The following CACNA2D4 variants were observed in gnomAD, a reference collection of about 807,000 sequenced individuals.
CACNA2D4 encodes calcium voltage-gated channel auxiliary subunit alpha2delta 4, also known as voltage-dependent calcium channel subunit alpha-2/delta-4.
CACNA2D4 carries 157 observed loss-of-function variants against 163.8 expected under a neutral mutation model. The observed-to-expected ratio is 0.96, with a 90% CI of 0.84 to 1.09. The LOEUF is 1.09. Ranked by LOEUF, CACNA2D4 falls within the 50% of genes least tolerant of loss-of-function variation. CACNA2D4 has a pLI of 0.00. For synonymous variants in CACNA2D4, 598 were observed against 586.9 expected, an observed-to-expected ratio of 1.02 and a Z score of -0.27; for missense variants, 1,410 against 1,479.9, an observed-to-expected ratio of 0.95 and a Z score of 0.78.
At chr12:1,793,824 T>C in intron 37 of CACNA2D4, 65 bp from the exon 38 acceptor site, 2 of 1,368,712 alleles carry the variant, frequency 1.5e-6, no homozygotes, top group Non-Finnish European at 2.1e-6. Context: ...AGGGAGGGGC[T>C]TCCACCACTA....
chr12:1,847,816 G>A (rs936462077), intron 23 of CACNA2D4, among the ~76,000 whole-genome samples: 3 of 152,066 alleles, frequency 2.0e-5, no homozygotes, highest in Admixed American at 6.5e-5. Flanking sequence ...GCAAATCCCA[G>A]ATATTTCATG....
At chr12:1,909,058 C>G (rs1026223947) in intron 4 of CACNA2D4, among the ~76,000 whole-genome samples, 5 of 152,208 alleles carry the variant, frequency 3.3e-5, no homozygotes, top group African/African-American at 1.2e-4. Flanking sequence ...CAGGCTCCTA[C>G]GCTGACACCC....
At chr12:1,801,754 T>C in intron 29 of CACNA2D4, 110 bp from the exon 30 acceptor site, 1 of 702,980 alleles carries the variant, frequency 1.4e-6, no homozygotes, top group Non-Finnish European at 2.3e-6. Flanking sequence ...TTGGTGCCAG[T>C]TGGGCTTTCC....
chr12:1,905,909 C>T (rs1042293290), intron 6 of CACNA2D4, among the ~76,000 whole-genome samples: 3 of 152,072 alleles, frequency 2.0e-5, no homozygotes, highest in African/African-American at 4.8e-5. Flanking sequence ...CTGATGGAGG[C>T]ACACTTCCTG....
At chr12:1,904,354 A>G (rs1231942713) in intron 6 of CACNA2D4, among the ~76,000 whole-genome samples, 1 of 151,868 alleles carries the variant, frequency 6.6e-6, no homozygotes, top group Non-Finnish European at 1.5e-5. Context: ...TACATTTTAA[A>G]ATAACTAAAA....
chr12:1,885,115 G>A (rs1340118997), intron 9 of CACNA2D4, 39 bp from the exon 10 acceptor site: 5 of 1,525,160 alleles, frequency 3.3e-6, no homozygotes, highest in African/African-American at 1.4e-5. Flanking sequence ...TCAGGGGGTT[G>A]AGTGGGCCAG....
intron 6 of CACNA2D4, among the ~76,000 whole-genome samples, chr12:1,888,617 C>T (rs4765647): frequency 0.04 from 6,048 of 151,944 alleles, 387 homozygotes; most frequent in African/African-American, 0.13. Context: ...ATGAAGCTTT[C>T]GGAGATGAAA....
In CACNA2D4 at chr12:1,799,880, C is replaced by A; in HGVS notation, c.2974+120G>T. On this transcript the variant is annotated intron_variant, in intron 33 of 37. Transcript: ENST00000382722. The surrounding 1 kb of genome is among the most constrained non-coding windows in gnomAD (Gnocchi z 4.7). ...AAGGCCACGCAGGGTGAGATGTGAA[C>A]AACGATGCTTCAGGGTCACCTATCC... 7.7e-7 allele frequency: 1 copy of A among 1,293,286 alleles called. No homozygotes were observed. Among genetic ancestry groups the A allele is most frequent in the Non-Finnish European group, 1.1e-6 (1 of 919,868 alleles). The allele number at this position is 1,293,286 out of a possible 1,614,324, so 80.1% of individuals were successfully genotyped here.
intron 6 of CACNA2D4, among the ~76,000 whole-genome samples, chr12:1,892,897 G>A (rs1866320772): frequency 6.6e-6 from 1 of 152,088 alleles, no homozygotes; most frequent in African/African-American, 2.4e-5. Flanking sequence ...ATGAGATGAA[G>A]GAGGTCATTA....
chr12:1,912,551 G>A (rs1227880001), intron 3 of CACNA2D4, among the ~76,000 whole-genome samples: 1 of 149,190 alleles, frequency 6.7e-6, no homozygotes, highest in East Asian at 2.0e-4. Context: ...ATGAGGGTGA[G>A]GGAGGAATGA....
At chr12:1,853,171 A>G (rs1865322807) in intron 23 of CACNA2D4, among the ~76,000 whole-genome samples, 1 of 152,156 alleles carries the variant, frequency 6.6e-6, no homozygotes, top group African/African-American at 2.4e-5. Flanking sequence ...AGCCTTGCGT[A>G]GACAGTATAC....
chr12:1,845,387 G>T (rs574720696), intron 24 of CACNA2D4, among the ~76,000 whole-genome samples: 7 of 151,872 alleles, frequency 4.6e-5, no homozygotes, highest in East Asian at 1.9e-4. Flanking sequence ...AGGGATGGGT[G>T]GGGGGGAGGA....
chr12:1,811,692 G>T lies in CACNA2D4; in HGVS notation c.2583C>A (p.Leu861=). The T allele has an allele frequency of 6.4e-7, 1 of 1,561,538 alleles. No individual in the cohort carries two copies. Among genetic ancestry groups the T allele is most frequent in the Non-Finnish European group, 8.7e-7 (1 of 1,152,388 alleles). The change falls in exon 27 of 38, where the codon CTC becomes CTA. Residue 861 remains leucine (L), a synonymous_variant. Coordinates refer to ENST00000382722, the MANE Select transcript of CACNA2D4 (RefSeq NM_172364.5). ...GCGTTGCCGCCCAGAATTTGCGCTGGAGGAATTCCAGCTTCATTTGGACGC... is the reference window on the plus strand; with the variant it reads ...GCGTTGCCGCCCAGAATTTGCGCTGTAGGAATTCCAGCTTCATTTGGACGC... ...AAGVQMKLEF[L]QRKFWAATRQ...
chr12:1,844,412 T>C lies in CACNA2D4; in HGVS notation c.2460A>G (p.Ala820=), dbSNP rs1397477256. The change falls in exon 25 of 38, where the codon GCA becomes GCG. Residue 820 remains alanine, a synonymous_variant. Transcript: ENST00000382722. This position sits in a 1 kb window ranked among gnomAD's most constrained non-coding sequence, Gnocchi z 4.2. ...CGGGCTGTGTGTTACCTGGTCCTTC[T>C]GCCCAGCGGAGGTTGAAGACGAAGC... ...AGSFVFNLRW[A]EGPESAGEPM... 1 of 1,613,424 alleles carries C rather than the reference T, an allele frequency of 6.2e-7. No homozygotes were observed. Among genetic ancestry groups the C allele is most frequent in the East Asian group, 2.2e-5 (1 of 44,882 alleles).
chr12:1,905,541 G>C (rs1019183657), intron 6 of CACNA2D4, among the ~76,000 whole-genome samples: 1 of 151,982 alleles, frequency 6.6e-6, no homozygotes, highest in African/African-American at 2.4e-5. Context: ...AAAATCAGTT[G>C]CATTTCTATA....
rs1865835294 is a variant in CACNA2D4 at position 1,874,002 on chromosome 12, T to A, written c.1878+602A>T. On this transcript the variant is annotated intron_variant, in intron 18 of 37. Coordinates refer to ENST00000382722, the MANE Select transcript of CACNA2D4 (RefSeq NM_172364.5). This position sits in a 1 kb window ranked among gnomAD's most constrained non-coding sequence, Gnocchi z 4.4. ...CAGGGGAGGAGGAGGTGGGGGTGGC[T>A]GTGAGGGAGGAGGTGACATTTGTAA... 6.6e-6 allele frequency among the ~76,000 whole-genome samples: 1 copy of A among 152,166 alleles called. No homozygotes were observed. Among genetic ancestry groups the A allele is most frequent in the South Asian group, 2.1e-4 (1 of 4,828 alleles).
At chr12:1,795,898 T>A in intron 35 of CACNA2D4, 118 bp from the exon 36 acceptor site, 2 of 736,798 alleles carry the variant, frequency 2.7e-6, no homozygotes, top group South Asian at 2.9e-5. Flanking sequence ...CCCGGAACCA[T>A]GAGGCAGGGC....
intron 27 of CACNA2D4, 87 bp from the exon 28 acceptor site, chr12:1,810,674 G>A (rs769934820): frequency 1.5e-4 from 197 of 1,330,378 alleles, no homozygotes; most frequent in African/African-American, 1.2e-4. Flanking sequence ...TGTGTGGTAC[G>A]TCTGCAGTGT....
chr12:1,830,884 G>C, intron 26 of CACNA2D4: 1 of 1,443,770 alleles, frequency 6.9e-7, no homozygotes, highest in Non-Finnish European at 9.4e-7. Context: ...GAAGCAGGAG[G>C]TGGTGACCCG....
Sources: gnomAD v4.1 joint callset for allele counts (sites outside exome capture counted in the v4.1 genomes callset) on GRCh38, gnomAD v4.1.1 for gene constraint, Gnocchi (gnomAD v3.1) non-coding constraint, MANE v1.5 for transcripts, NCBI Gene and HGNC (gene_info 2026-07-23, HGNC 2026-07-21) for gene names.